PUM2: variants seen among roughly 807,000 people sequenced by gnomAD.
The protein encoded by PUM2 is pumilio RNA binding family member 2, also known as pumilio homolog 2.
PUM2 carries 57 observed loss-of-function variants against 124.5 expected under a neutral mutation model. The ratio of observed to expected loss-of-function variants is 0.46; its 90% CI spans 0.37 to 0.57. The LOEUF is 0.57. Ranked by LOEUF, PUM2 falls within the 20% of genes least tolerant of loss-of-function variation. PUM2 has a pLI of 0.00. For missense variants in PUM2, 1,065 were observed against 1,290.6 expected (o/e 0.83, Z 2.68); for synonymous variants, 460 against 446.1 (o/e 1.03, Z -0.39).
chr2:20,325,732 C>T (rs1243525757), intron 2 of PUM2, among the ~76,000 whole-genome samples: 1 of 152,110 alleles, frequency 6.6e-6, no homozygotes, highest in African/African-American at 2.4e-5. Context: ...CGCCATTCTC[C>T]TGCCTCAGCC....
chr2:20,270,649 A>G (rs780503830), intron 13 of PUM2, among the ~76,000 whole-genome samples: 2 of 152,230 alleles, frequency 1.3e-5, no homozygotes, highest in Non-Finnish European at 2.9e-5. Flanking sequence ...CACACTGAAC[A>G]AAGAAAACAC....
At chr2:20,328,100 CGA>C (rs1684095162) in intron 1 of PUM2, among the ~76,000 whole-genome samples, 1 of 152,092 alleles carries the variant, frequency 6.6e-6, no homozygotes, top group South Asian at 2.1e-4. Flanking sequence ...TTTGGGAGAC[CGA>C]GGTGGGTGAT....
At chr2:20,282,462 C>T (rs1382582215) in intron 12 of PUM2, among the ~76,000 whole-genome samples, 1 of 152,120 alleles carries the variant, frequency 6.6e-6, no homozygotes, top group Admixed American at 6.5e-5. Flanking sequence ...TTTATACATA[C>T]ACATATGTAT....
At chr2:20,293,550 A>C (rs760467150) in intron 9 of PUM2, among the ~76,000 whole-genome samples, 2 of 152,172 alleles carry the variant, frequency 1.3e-5, no homozygotes, top group Non-Finnish European at 2.9e-5. Context: ...CTCTAATAAA[A>C]ATAGAAAAAA....
At chr2:20,347,950 T>A (rs73218119) in intron 1 of PUM2, among the ~76,000 whole-genome samples, 1 of 152,134 alleles carries the variant, frequency 6.6e-6, no homozygotes, top group African/African-American at 2.4e-5. Context: ...TTCATCAGCG[T>A]TCCCTCTTAC....
chr2:20,350,411 C>T, intron 1 of PUM2, 186 bp downstream of exon 1: 4 of 904,372 alleles, frequency 4.4e-6, no homozygotes, highest in Non-Finnish European at 5.3e-6. Context: ...GCGCACACCC[C>T]CTTCCGGCAC....
chr2:20,303,340 G>A (rs947478014), intron 7 of PUM2, among the ~76,000 whole-genome samples: 1 of 151,868 alleles, frequency 6.6e-6, no homozygotes, highest in Non-Finnish European at 1.5e-5. Context: ...GGGAGGTCGA[G>A]GCTGCAATTA....
In PUM2 at chr2:20,297,607, G is replaced by A. The variant is rs761664136; in HGVS notation, c.955C>T (p.Pro319Ser). ...PNPYIISAAPPGTDPYTAAGL... is the reference protein window; with the variant it reads ...PNPYIISAAPSGTDPYTAAGL... ...GCTGCAGTATACGGATCGGTCCCTG[G>A]AGGAGCAGCACTAATAATGTATGGA... The change falls in exon 8 of 21, where the codon CCA becomes TCA. Residue 319 changes from proline to serine, a missense_variant. Physicochemically the swap from Pro to Ser is moderately conservative, Grantham distance 74 (BLOSUM62 -1). This residue lies in a region of PUM2 where 968 missense variants were observed against 1,159.8 expected (regional missense o/e 0.83). Transcript: ENST00000361078. 6 of 1,613,210 alleles carry A rather than the reference G, an allele frequency of 3.7e-6. No individual in the cohort carries two copies. The highest frequency in any genetic ancestry group is 5.1e-6 in the Non-Finnish European group (6 of 1,179,298).
intron 7 of PUM2, among the ~76,000 whole-genome samples, chr2:20,298,758 C>T (rs1442815330): frequency 1.3e-5 from 2 of 152,090 alleles, no homozygotes; most frequent in African/African-American, 4.8e-5. Context: ...GTAATCCCAG[C>T]TACTCAGGAG....
chr2:20,278,903 G>A, intron 12 of PUM2, 84 bp from the exon 13 acceptor site: 1 of 934,286 alleles, frequency 1.1e-6, no homozygotes, highest in Non-Finnish European at 1.7e-6. Flanking sequence ...GGCAATAACA[G>A]AAGTGATCAC....
chr2:20,307,141 A>G (rs1678529002), intron 7 of PUM2, among the ~76,000 whole-genome samples: 1 of 152,080 alleles, frequency 6.6e-6, no homozygotes, highest in African/African-American at 2.4e-5. Flanking sequence ...TCTTGAACCC[A>G]GAAGGCGGAG....
At chr2:20,340,298 A>G (rs1440824297) in intron 1 of PUM2, among the ~76,000 whole-genome samples, 1 of 152,254 alleles carries the variant, frequency 6.6e-6, no homozygotes, top group Non-Finnish European at 1.5e-5. Flanking sequence ...GATAGGACTA[A>G]TCACAAAAGA....
intron 13 of PUM2, among the ~76,000 whole-genome samples, chr2:20,264,837 A>C (rs1156735306): frequency 6.6e-6 from 1 of 152,238 alleles, no homozygotes; most frequent in Non-Finnish European, 1.5e-5. Flanking sequence ...GACAGAGAGC[A>C]GTAAAACAGT....
intron 7 of PUM2, among the ~76,000 whole-genome samples, chr2:20,305,051 A>T (rs1356051839): frequency 6.6e-6 from 1 of 152,188 alleles, no homozygotes; most frequent in East Asian, 1.9e-4. Flanking sequence ...ATTGAGTTAA[A>T]ATGTGGGGTC....
chr2:20,282,090 C>T (rs542539768), intron 12 of PUM2, among the ~76,000 whole-genome samples: 1 of 152,274 alleles, frequency 6.6e-6, no homozygotes. Context: ...TAGTCCTATC[C>T]TCATGAAGTA....
chr2:20,261,056 G>A (rs1320350698), intron 14 of PUM2, among the ~76,000 whole-genome samples: 1 of 152,058 alleles, frequency 6.6e-6, no homozygotes, highest in Non-Finnish European at 1.5e-5. Flanking sequence ...CGTTACTCAG[G>A]TGTTCATGAT....
In PUM2 at chr2:20,297,059, T is replaced by C. The variant is rs6749259; in HGVS notation, c.1009+494A>G. ...GGCTGGGCAGTTTTTAGTACGTTCT[T>C]TCCAACTTGATCCAAACTTTTTGTC... is the stretch of plus-strand genomic sequence containing the variant. On this transcript the variant is annotated intron_variant, in intron 8 of 20. Coordinates refer to ENST00000361078, the MANE Select transcript of PUM2 (RefSeq NM_015317.5). Among the ~76,000 whole-genome samples, 965 of 152,266 alleles carry C rather than the reference T, an allele frequency of 6.3e-3. 14 individuals carry two copies. Among genetic ancestry groups the C allele is most frequent in the African/African-American group, 0.022 (928 of 41,560 alleles).
At chr2:20,256,544 C>G in intron 16 of PUM2, among the ~76,000 whole-genome samples, 1 of 152,170 alleles carries the variant, frequency 6.6e-6, no homozygotes, top group East Asian at 1.9e-4. Flanking sequence ...ATGACTAATT[C>G]AGAATTACAC....
At chr2:20,252,312 T>TAA (rs1663606788) in intron 20 of PUM2, among the ~76,000 whole-genome samples, 1 of 152,180 alleles carries the variant, frequency 6.6e-6, no homozygotes, top group East Asian at 1.9e-4. Context: ...CTAAGGAGAC[T>TAA]AAAGTGGGAG....
Sources: allele counts gnomAD v4.1 joint callset (sites outside exome capture counted in the v4.1 genomes callset), GRCh38; gene constraint gnomAD v4.1.1; regional missense constraint gnomAD v4.1.1; transcripts MANE v1.5; gene names NCBI Gene and HGNC (gene_info 2026-07-23, HGNC 2026-07-21).